PKHD1: variants seen among roughly 807,000 people sequenced by gnomAD.
PKHD1 encodes fibrocystin.
A neutral mutation model predicts 412.0 loss-of-function variants in PKHD1; 291 were observed. That is an observed-to-expected ratio of 0.71 (90% CI 0.64 to 0.78). The LOEUF is 0.78. Ranked by LOEUF, PKHD1 falls within the 30% of genes least tolerant of loss-of-function variation. PKHD1 has a pLI of 0.00. For synonymous variants in PKHD1, 1,777 were observed against 1,821.5 expected (o/e 0.98, Z 0.62); for missense variants, 4,825 against 4,950.7 (o/e 0.97, Z 0.76).
chr6:52,030,983 TA>T (rs947656722), intron 29 of PKHD1, among the ~76,000 whole-genome samples: 16 of 148,818 alleles, frequency 1.1e-4, no homozygotes, highest in African/African-American at 2.5e-4. Flanking sequence ...CATGAAGAAG[TA>T]AAAAAAAAAT....
intron 35 of PKHD1, among the ~76,000 whole-genome samples, chr6:51,966,442 T>G (rs1282366203): frequency 6.6e-6 from 1 of 152,128 alleles, no homozygotes; most frequent in Non-Finnish European, 1.5e-5. Flanking sequence ...GGAAGGCAGG[T>G]TTGCCCTAAG....
In PKHD1 at chr6:51,659,554, G is replaced by C; in HGVS notation, c.10572C>G (p.Ser3524=). Residue 3524 remains serine, a synonymous_variant, in exon 61 of 67, where the codon TCC becomes TCG. Coordinates refer to ENST00000371117, the MANE Select transcript of PKHD1 (RefSeq NM_138694.4). The part of the protein sequence containing the change: ...FIPPTLVQSA[S]LLLNESIGAN... ...CACCAATAGATTCATTCAGCAATAA[G>C]GAAGCTGACTGAACCAGAGTGGGTG... 2 of 1,613,606 alleles carry C rather than the reference G, an allele frequency of 1.2e-6. No homozygotes were observed. Among genetic ancestry groups the C allele is most frequent in the Non-Finnish European group, 1.7e-6 (2 of 1,179,742 alleles).
chr6:51,830,840 C>T, intron 52 of PKHD1, 21 bp downstream of exon 52: 3 of 1,609,660 alleles, frequency 1.9e-6, no homozygotes, highest in Non-Finnish European at 2.6e-6. Flanking sequence ...TGTGATTCAT[C>T]TCTTGGGTAG....
At chr6:51,853,896 C>T (rs1015965783) in intron 49 of PKHD1, among the ~76,000 whole-genome samples, 1 of 152,102 alleles carries the variant, frequency 6.6e-6, no homozygotes, top group Non-Finnish European at 1.5e-5. Context: ...TTTTATTACC[C>T]ATCTTCTGAA....
chr6:51,798,429 T>C (rs1470751948), intron 52 of PKHD1, among the ~76,000 whole-genome samples: 1 of 152,104 alleles, frequency 6.6e-6, no homozygotes, highest in Non-Finnish European at 1.5e-5. Context: ...ATGTCTTTTC[T>C]TTAAGAATGT....
At chr6:52,070,554 A>T in intron 9 of PKHD1, 109 bp from the exon 10 acceptor site, 1 of 793,140 alleles carries the variant, frequency 1.3e-6, no homozygotes, top group Non-Finnish European at 2.2e-6. Flanking sequence ...TTACCACCCA[A>T]ACCTGTAATT....
At chr6:51,709,433 T>C (rs1321207245) in intron 60 of PKHD1, among the ~76,000 whole-genome samples, 6 of 152,220 alleles carry the variant, frequency 3.9e-5, no homozygotes, top group Non-Finnish European at 8.8e-5. Context: ...TTAACTGTTT[T>C]CCCTTTCCCT....
At chr6:51,814,812 G>A (rs573718611) in intron 52 of PKHD1, among the ~76,000 whole-genome samples, 1 of 152,274 alleles carries the variant, frequency 6.6e-6, no homozygotes, top group East Asian at 1.9e-4. Context: ...TGCCTACTGG[G>A]AATACTAGAG....
At chr6:52,065,845 T>C in intron 12 of PKHD1, 131 bp downstream of exon 12, 1 of 689,582 alleles carries the variant, frequency 1.5e-6, no homozygotes, top group Non-Finnish European at 2.7e-6. Context: ...ACCAAACACA[T>C]GACTTATCAA....
At chr6:52,034,539 G>A (rs1256194566) in intron 28 of PKHD1, among the ~76,000 whole-genome samples, 1 of 152,046 alleles carries the variant, frequency 6.6e-6, no homozygotes, top group Non-Finnish European at 1.5e-5. Flanking sequence ...CCCAGTATTG[G>A]CCAAAGTGTC....
chr6:51,804,306 C>CCCTCTAGG (rs1320275108), intron 52 of PKHD1, among the ~76,000 whole-genome samples: 13 of 137,684 alleles, frequency 9.4e-5, no homozygotes, highest in Non-Finnish European at 1.7e-4. Flanking sequence ...TGTCCCAAGT[C>CCCTCTAGG]CCTCTAGGCT....
chr6:52,079,965 C>T lies in PKHD1; in HGVS notation c.325G>A (p.Ala109Thr), dbSNP rs143979330. 3.6e-4 allele frequency: 576 copies of T among 1,612,232 alleles called. 5 individuals are homozygous for T. The East Asian group carries it at 9.4e-3, about 26-fold the overall frequency. The change falls in exon 5 of 67, where the codon GCA becomes ACA. Residue 109 changes from alanine to threonine, a missense_variant. By Grantham distance (58) the Ala-to-Thr change is moderately conservative. Transcript: ENST00000371117. ...CTTACCAGCTGTCCCCCGAAGTATGCTTCCAGGAAGTACAGACCCTCATGT... is the reference window on the plus strand; with the variant it reads ...CTTACCAGCTGTCCCCCGAAGTATGTTTCCAGGAAGTACAGACCCTCATGT... Reference protein sequence around the residue: ...EAHEGLYFLEAYFGGQLVSSP... With the variant: ...EAHEGLYFLETYFGGQLVSSP...
Position 51,986,494 on chromosome 6 carries a change from A to G in PKHD1, c.5751+23815T>C, listed in dbSNP as rs917619331. On this transcript the variant is annotated intron_variant, in intron 35 of 66. Transcript: ENST00000371117. ...GCAAAGGAAGGGACGAAATACATCA[A>G]TACAGTCATGGGCCATTTAGCAATT... Among the ~76,000 whole-genome samples the G allele has an allele frequency of 2.2e-4, 34 of 152,254 alleles. 1 individual carries two copies. The highest frequency in any genetic ancestry group is 8.0e-4 in the African/African-American group (33 of 41,468).
chr6:52,031,847 A>G (rs1042400795), intron 29 of PKHD1, among the ~76,000 whole-genome samples: 5 of 152,228 alleles, frequency 3.3e-5, no homozygotes, highest in Non-Finnish European at 7.3e-5. Flanking sequence ...TAAATTTTGA[A>G]AAGAATGCAT....
chr6:51,948,821 A>C (rs1162110628), intron 36 of PKHD1, among the ~76,000 whole-genome samples: 2 of 152,232 alleles, frequency 1.3e-5, no homozygotes, highest in South Asian at 2.1e-4. Flanking sequence ...AGAGCAGATC[A>C]AAGAATTAGG....
chr6:51,865,230 C>T lies in PKHD1; in HGVS notation c.7733+2633G>A, dbSNP rs549605719. On this transcript the variant is annotated intron_variant, in intron 48 of 66. Transcript: ENST00000371117. ...GAGAAAACAATATAAGCAGCACTCA[C>T]GCAGATCAAGCATGCTGTCATTTTA... is the stretch of plus-strand genomic sequence containing the variant. 3.3e-5 allele frequency among the ~76,000 whole-genome samples: 5 copies of T among 152,290 alleles called. No homozygotes were observed. The South Asian group carries it at 6.2e-4, about 19-fold the overall frequency.
At chr6:51,959,813 C>T in intron 36 of PKHD1, 57 bp downstream of exon 36, 1 of 1,459,818 alleles carries the variant, frequency 6.9e-7, no homozygotes, top group Non-Finnish European at 9.6e-7. Flanking sequence ...CCTCCATCCC[C>T]CCTACAAGTG....
At chr6:51,640,987 T>C (rs1269708907) in intron 63 of PKHD1, among the ~76,000 whole-genome samples, 4 of 152,200 alleles carry the variant, frequency 2.6e-5, no homozygotes, top group African/African-American at 9.6e-5. Context: ...TATGGTTTTG[T>C]TGTTGTTATT....
At chr6:51,706,481 TA>T (rs3061722) in intron 60 of PKHD1, among the ~76,000 whole-genome samples, 49 of 140,876 alleles carry the variant, frequency 3.5e-4, no homozygotes, top group African/African-American at 5.3e-4. Context: ...TCTCCCATGG[TA>T]AAAAAAAAAA....
Sources: gnomAD v4.1 joint callset for allele counts (sites outside exome capture counted in the v4.1 genomes callset) on GRCh38, gnomAD v4.1.1 for gene constraint, MANE v1.5 for transcripts, NCBI Gene and HGNC (gene_info 2026-07-23, HGNC 2026-07-21) for gene names.